Variants in MRPL55 observed in about 807,000 individuals in gnomAD.
The protein encoded by MRPL55 is mitochondrial ribosomal protein L55, also known as large ribosomal subunit protein mL55.
MRPL55 carries 7 observed loss-of-function variants against 10.6 expected under a neutral mutation model. The ratio of observed to expected loss-of-function variants is 0.66; its 90% CI spans 0.38 to 1.24. MRPL55 has a LOEUF of 1.24. Ranked by LOEUF, MRPL55 falls within the 50% of genes most tolerant of loss-of-function variation. The pLI is 0.02. For missense variants in MRPL55, 148 were observed against 180.3 expected (o/e 0.82, Z 1.03); for synonymous variants, 57 against 71.8 (o/e 0.79, Z 1.04).
intron 3 of MRPL55, 92 bp downstream of exon 3, chr1:228,108,143 G>C (rs954593048): frequency 2.8e-5 from 43 of 1,544,746 alleles, no homozygotes; most frequent in Non-Finnish European, 3.8e-5. Flanking sequence ...AAGGACTAGG[G>C]AGGATTAGAA....
intron 3 of MRPL55, 139 bp from the exon 4 acceptor site, chr1:228,108,008 A>G: frequency 6.5e-7 from 1 of 1,544,322 alleles, no homozygotes; most frequent in Non-Finnish European, 8.8e-7. Context: ...GGGCAGGATG[A>G]GCCTCGGGGC....
At position 228,106,920 on chromosome 1, in the gene MRPL55, T is replaced by C; in HGVS notation, c.229-2A>G. 6.2e-7 allele frequency: 1 copy of C among 1,612,060 alleles called. No individual in the cohort carries two copies. Among genetic ancestry groups the C allele is most frequent in the Non-Finnish European group, 8.5e-7 (1 of 1,179,058 alleles). On this transcript the variant is annotated splice_acceptor_variant, in intron 4 of 4. Transcript: ENST00000336520. LOFTEE classifies it high-confidence loss of function. ...CAGGGTGTCCAGATCTATGGGCATCTGCAGGGGACAGACCAAGTTTCGTCC... is the reference window on the plus strand; with the variant it reads ...CAGGGTGTCCAGATCTATGGGCATCCGCAGGGGACAGACCAAGTTTCGTCC...
chr1:228,107,993 TGCCGGG>T, intron 3 of MRPL55, 124 bp from the exon 4 acceptor site: 2 of 1,546,224 alleles, frequency 1.3e-6, no homozygotes, highest in Non-Finnish European at 1.7e-6. Flanking sequence ...TGGTGACCCG[TGCCGGG>T]GCAGGATGAG....
rs974677728 is a variant in MRPL55 at position 228,107,746 on chromosome 1, T to A, written c.150A>T (p.Arg50=). Residue 50 remains arginine (R), a synonymous_variant, in exon 4 of 5, where the codon CGA becomes CGT. Transcript: ENST00000336520. ...GCTTCACCAGCAGCACGGGGTAGAG[T>A]CGTGCATAAGCCTGGCGGTGCACAC... ...LTRVHRQAYA[R]LYPVLLVKQD... is the part of the protein sequence containing the mutation. 6.2e-7 allele frequency: 1 copy of A among 1,613,020 alleles called. No homozygotes were observed. Among genetic ancestry groups the A allele is most frequent in the Non-Finnish European group, 8.5e-7 (1 of 1,179,970 alleles).
chr1:228,107,425 A>G (rs956789835), intron 4 of MRPL55, among the ~76,000 whole-genome samples: 14 of 152,196 alleles, frequency 9.2e-5, no homozygotes, highest in African/African-American at 3.4e-4. Context: ...CCCTGTCTCA[A>G]AAAAATAAAT....
At chr1:228,108,207 C>A (rs2033403923) in intron 3 of MRPL55, 28 bp downstream of exon 3, 3 of 1,607,190 alleles carry the variant, frequency 1.9e-6, no homozygotes. Flanking sequence ...TGACAGTAAT[C>A]CCCAGGGACC....
intron 3 of MRPL55, 35 bp downstream of exon 3, chr1:228,108,200 C>G (rs1329370582): frequency 6.2e-7 from 1 of 1,604,300 alleles, no homozygotes; most frequent in Middle Eastern, 1.7e-4. Flanking sequence ...TGGCCCCTGA[C>G]AGTAATCCCC....
intron 3 of MRPL55, 166 bp from the exon 4 acceptor site, chr1:228,108,035 G>A (rs1441183257): frequency 1.3e-6 from 2 of 1,545,080 alleles, no homozygotes; most frequent in Admixed American, 2.0e-5. Flanking sequence ...AGGAGCCACA[G>A]GCTGTGGTCA....
chr1:228,107,653 G>C lies in MRPL55; in HGVS notation c.228+15C>G. ...CCAGCCCGGCACCTGGAAGCACCTG[G>C]AGAGGGAAGCTTACCGCCAGCATGC... is the stretch of plus-strand genomic sequence containing the variant. On this transcript the variant is annotated intron_variant, in intron 4 of 4. Coordinates refer to ENST00000336520, the MANE Select transcript of MRPL55 (RefSeq NM_181463.3). 1 of 1,611,952 alleles carries C rather than the reference G, an allele frequency of 6.2e-7. No individual in the cohort carries two copies. The highest frequency in any genetic ancestry group is 8.5e-7 in the Non-Finnish European group (1 of 1,179,752).
chr1:228,106,751 G>A lies in MRPL55; in HGVS notation c.*9C>T, dbSNP rs1243224938. ...TCTTAGCAATGTCCCGGGGTGGCTG[G>A]AGCCACGGTCACTTCTTGGTCCTGG... On this transcript the variant is annotated 3_prime_UTR_variant, in exon 5 of 5. Transcript: ENST00000336520. 1 of 1,606,034 alleles carries A rather than the reference G, an allele frequency of 6.2e-7. No individual in the cohort carries two copies. Among genetic ancestry groups the A allele is most frequent in the Admixed American group, 1.7e-5 (1 of 59,480 alleles).
At chr1:228,108,184 C>G in intron 3 of MRPL55, 51 bp downstream of exon 3, 1 of 1,590,316 alleles carries the variant, frequency 6.3e-7, no homozygotes, top group East Asian at 2.3e-5. Flanking sequence ...GAGGGGTTCC[C>G]TGGGGTGGCC....
At chr1:228,107,360 G>A (rs1012924727) in intron 4 of MRPL55, among the ~76,000 whole-genome samples, 8 of 152,238 alleles carry the variant, frequency 5.3e-5, no homozygotes, top group Non-Finnish European at 1.2e-4. Context: ...GGGGGTCAGG[G>A]CTGCAGTGAA....
In MRPL55 at chr1:228,107,826, G is replaced by T; in HGVS notation, c.70C>A (p.Arg24Ser). The T allele has an allele frequency of 6.2e-7, 1 of 1,613,104 alleles. No homozygotes were observed. The highest frequency in any genetic ancestry group is 1.1e-5 in the South Asian group (1 of 91,088). The change falls in exon 4 of 5, where the codon CGC becomes AGC. Residue 24 changes from arginine (R) to serine (S), a missense_variant. Transcript: ENST00000336520. ...STVKATGPAL[R>S]RLHTSSWRAD... ...CGCCAGGAGGATGTGTGCAGGCGGC[G>T]GAGTGCAGGTCCGGTGGCCTTCACG...
chr1:228,107,065 A>C, intron 4 of MRPL55, 147 bp from the exon 5 acceptor site: 1 of 614,588 alleles, frequency 1.6e-6, no homozygotes, highest in Non-Finnish European at 2.8e-6. Flanking sequence ...TCTCCCTTCA[A>C]AGCTTTCAAT....
At chr1:228,108,340 G>A in intron 2 of MRPL55, 22 bp from the exon 3 acceptor site, 5 of 1,435,830 alleles carry the variant, frequency 3.5e-6, no homozygotes, top group Middle Eastern at 1.8e-4. Context: ...AGAATGAAGA[G>A]ATCTTTTTTA....
Position 228,107,794 on chromosome 1 carries a change from G to T in MRPL55, c.102C>A (p.Asp34Glu), listed in dbSNP as rs1464373360. 3 of 1,613,166 alleles carry T rather than the reference G, an allele frequency of 1.9e-6. No individual in the cohort carries two copies. The highest frequency in any genetic ancestry group is 2.5e-6 in the Non-Finnish European group (3 of 1,180,038). Residue 34 changes from aspartate (D) to glutamate (E), a missense_variant, in exon 4 of 5, where the codon GAC (aspartate) becomes GAA (glutamate). Asp to Glu is a conservative substitution (Grantham distance 45). Coordinates refer to ENST00000336520, the MANE Select transcript of MRPL55 (RefSeq NM_181463.3). Reference sequence around the variant, plus strand: ...CACGAGTGAGTGAGGCCCTGCTGCTGTCAGCTCGCCAGGAGGATGTGTGCA... The same window carrying T: ...CACGAGTGAGTGAGGCCCTGCTGCTTTCAGCTCGCCAGGAGGATGTGTGCA... ...RRLHTSSWRA[D>E]SSRASLTRVH...
rs1164516571 is a variant in MRPL55, at chr1:228,109,249, C to G, written c.-226G>C. The stretch of plus-strand genomic sequence containing the variant: ...CCAGGGACGAGGCCACGCAGGAGAT[C>G]AAGGTACTCACTGCGTTGGGTGCTG... On this transcript the variant is annotated 5_prime_UTR_variant, in exon 1 of 5. Coordinates refer to ENST00000336520, the MANE Select transcript of MRPL55 (RefSeq NM_181463.3). 1 of 152,420 alleles carries G rather than the reference C, an allele frequency of 6.6e-6. No individual in the cohort carries two copies. Among genetic ancestry groups the G allele is most frequent in the Non-Finnish European group, 1.5e-5 (1 of 68,116 alleles). 9.4% of individuals were successfully genotyped at this position (152,420 alleles called of 1,614,324 possible). A position where few individuals can be genotyped will look rare whatever the true frequency, so the allele number is the denominator to read the frequency against.
chr1:228,106,977 G>A, intron 4 of MRPL55, 59 bp from the exon 5 acceptor site: 1 of 1,471,662 alleles, frequency 6.8e-7, no homozygotes, highest in Non-Finnish European at 9.4e-7. Context: ...GAGCTACTGG[G>A]GGGACAGCCC....
In MRPL55 at chr1:228,108,329, G is replaced by A. The variant is rs996917798; in HGVS notation, c.-58-11C>T. ...GCCCTGGCGTGCAACCTGCTAGGCA[G>A]AGAATGAAGAGATCTTTTTTAAAAG... On this transcript the variant is annotated splice_polypyrimidine_tract_variant and intron_variant, in intron 2 of 4. Transcript: ENST00000336520. 1.4e-6 allele frequency: 2 copies of A among 1,462,156 alleles called. No individual in the cohort carries two copies. The highest frequency in any genetic ancestry group is 1.4e-5 in the African/African-American group (1 of 70,916). 90.6% of individuals were successfully genotyped at this position (1,462,156 alleles called of 1,614,324 possible). A position where few individuals can be genotyped will look rare whatever the true frequency, so the allele number is the denominator to read the frequency against.
Sources: gnomAD v4.1 joint callset for allele counts (sites outside exome capture counted in the v4.1 genomes callset) on GRCh38, gnomAD v4.1.1 for gene constraint, MANE v1.5 for transcripts, NCBI Gene and HGNC (gene_info 2026-07-23, HGNC 2026-07-21) for gene names.